The following SKIC3 variants were observed in gnomAD, a reference collection of about 807,000 sequenced individuals.
The protein encoded by SKIC3 is superkiller complex protein 3.
At chr5:95,519,084 C>CA in the SKIC3 span, among the ~76,000 whole-genome samples, 292 of 124,196 alleles carry the variant, frequency 2.4e-3, no homozygotes, top group African/African-American at 4.1e-3. Context: ...ACCCTGAGAC[C>CA]AAAAAAAAAA....
At chr5:95,478,820 T>A in the SKIC3 span, among the ~76,000 whole-genome samples, 1 of 152,144 alleles carries the variant, frequency 6.6e-6, no homozygotes, top group Non-Finnish European at 1.5e-5. Flanking sequence ...AGACCCATTA[T>A]TTTTTAAGAA....
At chr5:95,516,856 A>G in the SKIC3 span, 36 of 1,559,376 alleles carry the variant, frequency 2.3e-5, no homozygotes, top group Non-Finnish European at 3.0e-5. Context: ...CATCCAAAAC[A>G]ACTTCGAGAA....
the SKIC3 span, chr5:95,498,558 A>C: frequency 6.2e-7 from 1 of 1,614,030 alleles, no homozygotes; most frequent in Non-Finnish European, 8.5e-7. Flanking sequence ...ACAGGGCTTG[A>C]AGGCTTTCTG....
chr5:95,554,226 C>A, the SKIC3 span, among the ~76,000 whole-genome samples: 235 of 151,786 alleles, frequency 1.5e-3, 3 homozygotes, highest in African/African-American at 5.5e-3. Flanking sequence ...CAAAAAAAAA[C>A]CTGCCAGATA....
At chr5:95,523,477 GGTTA>G in the SKIC3 span, 1 of 1,165,922 alleles carries the variant, frequency 8.6e-7, no homozygotes, top group Non-Finnish European at 1.2e-6. Context: ...AACAATAAGT[GGTTA>G]GTAATTTAAT....
the SKIC3 span, chr5:95,543,135 C>CA: frequency 3.4e-4 from 540 of 1,578,982 alleles, no homozygotes; most frequent in Non-Finnish European, 3.9e-4. Context: ...TTGAAAAATG[C>CA]AAAAAAAAAT....
chr5:95,528,115 G>A, the SKIC3 span: 4 of 1,613,654 alleles, frequency 2.5e-6, no homozygotes, highest in African/African-American at 5.3e-5. Context: ...GATAAAGACT[G>A]TTACCAGACG....
chr5:95,466,378 G>T, the SKIC3 span, among the ~76,000 whole-genome samples: 1 of 151,982 alleles, frequency 6.6e-6, no homozygotes, highest in Non-Finnish European at 1.5e-5. Flanking sequence ...CTGCCTATTT[G>T]CCTCCACTGC....
the SKIC3 span, among the ~76,000 whole-genome samples, chr5:95,476,325 A>G: frequency 2.0e-5 from 3 of 152,004 alleles, no homozygotes; most frequent in African/African-American, 7.3e-5. Context: ...TGCTACAGCA[A>G]TCTATCTTGA....
chr5:95,525,540 A>G, the SKIC3 span: 2 of 1,613,848 alleles, frequency 1.2e-6, no homozygotes, highest in African/African-American at 2.7e-5. Context: ...AGCCAAATAA[A>G]AATGCTTTTA....
the SKIC3 span, among the ~76,000 whole-genome samples, chr5:95,500,766 A>G: frequency 2.0e-5 from 3 of 152,186 alleles, no homozygotes; most frequent in Admixed American, 6.5e-5. Context: ...CTTTTCATTT[A>G]AATGACCTTA....
chr5:95,495,779 C>T, the SKIC3 span, among the ~76,000 whole-genome samples: 10 of 152,184 alleles, frequency 6.6e-5, no homozygotes, highest in Non-Finnish European at 1.5e-4. Context: ...TGGGTCCCAT[C>T]TCAAGCCTAC....
chr5:95,488,219 AG>A, the SKIC3 span, among the ~76,000 whole-genome samples: 2 of 152,198 alleles, frequency 1.3e-5, no homozygotes, highest in East Asian at 3.9e-4. Context: ...GTGTCCTAGA[AG>A]GCAAAAAGAA....
the SKIC3 span, chr5:95,498,713 C>T: frequency 2.2e-6 from 2 of 902,962 alleles, no homozygotes; most frequent in Non-Finnish European, 1.7e-6. Flanking sequence ...GCAAGCTCCG[C>T]CTCCCAGGTT....
At chr5:95,512,646 A>C in the SKIC3 span, 1 of 1,613,476 alleles carries the variant, frequency 6.2e-7, no homozygotes, top group Non-Finnish European at 8.5e-7. Flanking sequence ...TTAAGCAGAC[A>C]TAGGATAATA....
At chr5:95,484,985 T>C in the SKIC3 span, 11 of 874,198 alleles carry the variant, frequency 1.3e-5, no homozygotes, top group African/African-American at 1.7e-5. Context: ...ACATGTACCA[T>C]AGACTATCCT....
At chr5:95,530,155 T>A in the SKIC3 span, 3 of 1,613,726 alleles carry the variant, frequency 1.9e-6, no homozygotes, top group Non-Finnish European at 2.5e-6. Context: ...CCTAAGCCAA[T>A]GAGGCCTGGA....
the SKIC3 span, chr5:95,464,286 G>T: frequency 4.3e-6 from 1 of 235,030 alleles, no homozygotes; most frequent in Non-Finnish European, 8.4e-6. Flanking sequence ...TATTGTAAGG[G>T]ATTACAGTAA....
chr5:95,517,383 C>T, the SKIC3 span: 1 of 1,554,192 alleles, frequency 6.4e-7, no homozygotes, highest in Non-Finnish European at 8.7e-7. Flanking sequence ...AGTTTATCTC[C>T]CTGATTATTA....
Sources: gnomAD v4.1 joint callset for allele counts (sites outside exome capture counted in the v4.1 genomes callset) on GRCh38, gnomAD v4.1.1 for gene constraint, MANE v1.5 for transcripts, NCBI Gene and HGNC (gene_info 2026-07-23, HGNC 2026-07-21) for gene names.